The following ZUP1 variants were observed in gnomAD, a reference collection of about 807,000 sequenced individuals.
ZUP1 encodes zinc finger-containing ubiquitin peptidase 1.
A neutral mutation model predicts 68.1 loss-of-function variants in ZUP1; 55 were observed. The observed-to-expected ratio is 0.81, with a 90% CI of 0.65 to 1.01. The LOEUF (loss-of-function observed/expected upper bound fraction) is 1.01, where lower values mean the gene tolerates loss of function less well. Ranked by LOEUF, ZUP1 falls within the 50% of genes least tolerant of loss-of-function variation. ZUP1 has a pLI of 0.00. For missense variants in ZUP1, 684 were observed against 674.9 expected, an observed-to-expected ratio of 1.01 and a Z score of -0.15; for synonymous variants, 223 against 221.5, an observed-to-expected ratio of 1.01 and a Z score of -0.06.
chr6:116,645,628 AGTGAT>A, intron 9 of ZUP1, 81 bp downstream of exon 9: 3 of 1,055,862 alleles, frequency 2.8e-6, no homozygotes, highest in Non-Finnish European at 4.1e-6. Flanking sequence ...AAAAGAAAAA[AGTGAT>A]AACACTGATT....
chr6:116,652,215 A>C (rs1776529523), intron 5 of ZUP1, 23 bp from the exon 6 acceptor site: 4 of 1,593,352 alleles, frequency 2.5e-6, no homozygotes, highest in Non-Finnish European at 3.4e-6. Flanking sequence ...AGAGATTCAG[A>C]AGCAGTCATT....
chr6:116,643,046 GACAA>G (rs1336318360), intron 9 of ZUP1, among the ~76,000 whole-genome samples: 6 of 151,444 alleles, frequency 4.0e-5, no homozygotes, highest in African/African-American at 1.2e-4. Context: ...ACCAATAACA[GACAA>G]ACAGAGAGCC....
intron 5 of ZUP1, among the ~76,000 whole-genome samples, chr6:116,656,316 T>C (rs1776661689): frequency 6.6e-6 from 1 of 152,134 alleles, no homozygotes; most frequent in Admixed American, 6.5e-5. Context: ...ACTCCCGACC[T>C]CAGGTGATCC....
At position 116,658,942 on chromosome 6, in the gene ZUP1, T is replaced by C; in HGVS notation, c.671-18A>G. The C allele has an allele frequency of 1.9e-6, 3 of 1,581,564 alleles. No homozygotes were observed. Among genetic ancestry groups the C allele is most frequent in the South Asian group, 1.2e-5 (1 of 83,234 alleles). The stretch of plus-strand genomic sequence containing the variant: ...ATCCATGCCTGTTAGGTATTGTTAA[T>C]GTTCAGAATAAAATAACTGTTGCAA... On this transcript the variant is annotated intron_variant, in intron 3 of 9. Coordinates refer to ENST00000368576, the MANE Select transcript of ZUP1 (RefSeq NM_145062.3).
intron 9 of ZUP1, among the ~76,000 whole-genome samples, chr6:116,643,841 A>T (rs1776200528): frequency 6.6e-6 from 1 of 152,230 alleles, no homozygotes; most frequent in African/African-American, 2.4e-5. Context: ...GACAAATGGG[A>T]TCTAATTAAA....
At chr6:116,659,051 T>C in intron 3 of ZUP1, 127 bp from the exon 4 acceptor site, 1 of 818,418 alleles carries the variant, frequency 1.2e-6, no homozygotes, top group Non-Finnish European at 1.8e-6. Context: ...TGTGATGATA[T>C]GGAACTGAGT....
intron 7 of ZUP1, among the ~76,000 whole-genome samples, chr6:116,650,678 G>A (rs535525275): frequency 1.3e-5 from 2 of 152,176 alleles, no homozygotes; most frequent in East Asian, 3.9e-4. Flanking sequence ...TATGAATCAA[G>A]GTTAGGCAGT....
At chr6:116,643,719 T>C (rs1005692314) in intron 9 of ZUP1, among the ~76,000 whole-genome samples, 1 of 152,144 alleles carries the variant, frequency 6.6e-6, no homozygotes, top group South Asian at 2.1e-4. Context: ...ATGTTAGACA[T>C]AAAACCATAA....
chr6:116,662,410 C>A (rs1408496478), intron 2 of ZUP1, among the ~76,000 whole-genome samples: 2 of 152,196 alleles, frequency 1.3e-5, no homozygotes, highest in African/African-American at 2.4e-5. Flanking sequence ...AGAATCTAAA[C>A]TAAGCCTCAG....
In ZUP1 at chr6:116,635,729, T is replaced by TA. The variant is rs1322099953; in HGVS notation, c.*102dup. Reference sequence around the variant, plus strand: ...AGAAATTAAATTATATGTTAAGACTTAAGAGAATTCACAGATTCATAATTG... The same window carrying TA: ...AGAAATTAAATTATATGTTAAGACTTAAAGAGAATTCACAGATTCATAATTG... On this transcript the variant is annotated 3_prime_UTR_variant, in exon 10 of 10. Coordinates refer to ENST00000368576, the MANE Select transcript of ZUP1 (RefSeq NM_145062.3). 5 of 864,888 alleles carry TA rather than the reference T, an allele frequency of 5.8e-6. No individual in the cohort carries two copies. The highest frequency in any genetic ancestry group is 1.8e-5 in the African/African-American group (1 of 56,702). 53.6% of individuals were successfully genotyped at this position (864,888 alleles called of 1,614,324 possible).
At chr6:116,658,562 A>AG (rs1429280976) in intron 4 of ZUP1, among the ~76,000 whole-genome samples, 1 of 152,182 alleles carries the variant, frequency 6.6e-6, no homozygotes, top group Admixed American at 6.5e-5. Flanking sequence ...CTGAAAAAAA[A>AG]GGGGGCGTGG....
At chr6:116,650,544 CCAGT>C (rs1373558283) in intron 7 of ZUP1, among the ~76,000 whole-genome samples, 17 of 152,004 alleles carry the variant, frequency 1.1e-4, no homozygotes, top group African/African-American at 4.1e-4. Flanking sequence ...ATGCTGTATG[CCAGT>C]CACAGTTCTA....
intron 3 of ZUP1, 22 bp from the exon 4 acceptor site, chr6:116,658,946 C>A: frequency 6.3e-7 from 1 of 1,576,828 alleles, no homozygotes; most frequent in Non-Finnish European, 8.6e-7. Flanking sequence ...TGTTAATGTT[C>A]AGAATAAAAT....
chr6:116,637,247 C>T (rs531005283), intron 9 of ZUP1, among the ~76,000 whole-genome samples: 3 of 152,112 alleles, frequency 2.0e-5, no homozygotes, highest in East Asian at 1.9e-4. Context: ...CTTAGGAATA[C>T]AATTTCTCTC....
chr6:116,661,112 G>C (rs1024964022), intron 2 of ZUP1, among the ~76,000 whole-genome samples: 3 of 151,938 alleles, frequency 2.0e-5, no homozygotes, highest in Admixed American at 2.0e-4. Context: ...CTGGACTCAA[G>C]TGATCCTTCT....
intron 7 of ZUP1, among the ~76,000 whole-genome samples, chr6:116,648,117 A>G (rs1776370402): frequency 6.6e-6 from 1 of 152,234 alleles, no homozygotes; most frequent in Admixed American, 6.5e-5. Flanking sequence ...TCTATAACAG[A>G]AAATACTTGT....
chr6:116,658,284 G>A (rs1399222049), intron 4 of ZUP1, among the ~76,000 whole-genome samples: 2 of 151,906 alleles, frequency 1.3e-5, no homozygotes, highest in South Asian at 4.2e-4. Context: ...GATAAATGAA[G>A]CCTCAAATAT....
At chr6:116,644,338 G>A (rs573828043) in intron 9 of ZUP1, among the ~76,000 whole-genome samples, 103 of 152,148 alleles carry the variant, frequency 6.8e-4, no homozygotes, top group African/African-American at 2.4e-3. Context: ...CCTATTACTG[G>A]GTATATACCC....
At chr6:116,645,410 G>A (rs1036762433) in intron 9 of ZUP1, among the ~76,000 whole-genome samples, 3 of 151,382 alleles carry the variant, frequency 2.0e-5, no homozygotes, top group Non-Finnish European at 2.9e-5. Context: ...GTGAAACCCC[G>A]TCTCTACAAA....
Sources: allele counts gnomAD v4.1 joint callset (sites outside exome capture counted in the v4.1 genomes callset), GRCh38; gene constraint gnomAD v4.1.1; transcripts MANE v1.5; gene names NCBI Gene and HGNC (gene_info 2026-07-23, HGNC 2026-07-21).